Variants in HIPK2 observed in about 807,000 individuals in gnomAD.
HIPK2 encodes homeodomain-interacting protein kinase 2.
A neutral mutation model predicts 113.7 loss-of-function variants in HIPK2; 27 were observed. The observed-to-expected ratio is 0.24, with a 90% CI of 0.17 to 0.33. The LOEUF (loss-of-function observed/expected upper bound fraction) is 0.33. Among genes scored for constraint, HIPK2 ranks in the 10% least tolerant of loss-of-function variants. HIPK2 has a pLI of 1.00. For synonymous variants in HIPK2, 631 were observed against 642.2 expected (o/e 0.98, Z 0.26); for missense variants, 1,257 against 1,588.0 (o/e 0.79, Z 3.54).
At chr7:139,738,120 C>G (rs1795990969) in intron 1 of HIPK2, among the ~76,000 whole-genome samples, 1 of 152,248 alleles carries the variant, frequency 6.6e-6, no homozygotes. Flanking sequence ...TACAGACCAG[C>G]AGATCTGGGC....
At chr7:139,579,494 G>A (rs1245244525) in intron 13 of HIPK2, among the ~76,000 whole-genome samples, 1 of 152,144 alleles carries the variant, frequency 6.6e-6, no homozygotes, top group Admixed American at 6.5e-5. Context: ...AATTCGGTTG[G>A]ATCAATTCTA....
At chr7:139,654,280 G>A (rs1229715627) in intron 2 of HIPK2, among the ~76,000 whole-genome samples, 3 of 152,158 alleles carry the variant, frequency 2.0e-5, no homozygotes, top group Non-Finnish European at 4.4e-5. Context: ...GGGAAGCTGA[G>A]GCAAAAGGAT....
chr7:139,666,757 C>A (rs962691069), intron 2 of HIPK2, among the ~76,000 whole-genome samples: 1 of 152,072 alleles, frequency 6.6e-6, no homozygotes, highest in Non-Finnish European at 1.5e-5. Context: ...ATGAAGAAAA[C>A]AAAATTTAAA....
At chr7:139,689,922 G>A (rs1406956130) in intron 2 of HIPK2, among the ~76,000 whole-genome samples, 1 of 152,240 alleles carries the variant, frequency 6.6e-6, no homozygotes, top group East Asian at 1.9e-4. Context: ...CTGTGAGGGG[G>A]AAAGACGCTG....
chr7:139,620,350 A>G (rs1800192084), intron 7 of HIPK2, 51 bp downstream of exon 7: 1 of 1,596,794 alleles, frequency 6.3e-7, no homozygotes, highest in Non-Finnish European at 8.5e-7. Context: ...ACAAGTCCTG[A>G]GGCTCACACT....
At chr7:139,668,999 T>C (rs1305526914) in intron 2 of HIPK2, among the ~76,000 whole-genome samples, 1 of 152,256 alleles carries the variant, frequency 6.6e-6, no homozygotes, top group African/African-American at 2.4e-5. Context: ...CTTTAACCTG[T>C]GCCTTATATA....
rs767922812 is a variant in HIPK2, at chr7:139,716,770, T to A, written c.265A>T (p.Ser89Cys). The change falls in exon 2 of 15, where the codon AGC becomes TGC. Residue 89 changes from serine to cysteine, a missense_variant. Ser to Cys is a moderately radical substitution (Grantham distance 112, BLOSUM62 -1). Transcript: ENST00000406875. The surrounding 1 kb of genome is among the most constrained non-coding windows in gnomAD (Gnocchi z 9.3). ...GAGGTGACCACGATGTGCCCGGTGC[T>A]TCCTGGGAAGACGATGGTCTGCTCG... ...PYEQTIVFPG[S>C]TGHIVVTSAS... 3.1e-6 allele frequency: 5 copies of A among 1,613,958 alleles called. No individual in the cohort carries two copies. Among genetic ancestry groups the A allele is most frequent in the Admixed American group, 1.7e-5 (1 of 60,010 alleles).
chr7:139,592,881 A>G (rs909802499), intron 12 of HIPK2, among the ~76,000 whole-genome samples: 1 of 152,262 alleles, frequency 6.6e-6, no homozygotes, highest in Admixed American at 6.5e-5. Flanking sequence ...AGAGTCCCCT[A>G]GTCCAACAGT....
intron 2 of HIPK2, among the ~76,000 whole-genome samples, chr7:139,653,525 A>G (rs543581176): frequency 8.4e-4 from 128 of 151,618 alleles, no homozygotes; most frequent in East Asian, 1.2e-3. Context: ...CTCCTGTTAC[A>G]GACATGCCAT....
At chr7:139,717,887 G>T (rs1412201377) in intron 1 of HIPK2, among the ~76,000 whole-genome samples, 1 of 151,914 alleles carries the variant, frequency 6.6e-6, no homozygotes, top group Non-Finnish European at 1.5e-5. Flanking sequence ...GGGATTATAG[G>T]TTCCTGCCAC....
At chr7:139,760,985 C>T (rs1404402426) in intron 1 of HIPK2, among the ~76,000 whole-genome samples, 1 of 152,094 alleles carries the variant, frequency 6.6e-6, no homozygotes, top group Non-Finnish European at 1.5e-5. Flanking sequence ...AAAGTTGTAA[C>T]AAAAGAGTAA....
At chr7:139,640,088 T>G (rs902867971) in intron 2 of HIPK2, among the ~76,000 whole-genome samples, 15 of 152,184 alleles carry the variant, frequency 9.9e-5, no homozygotes, top group African/African-American at 3.6e-4. Context: ...GGAACCATCT[T>G]AAAGAATCGC....
chr7:139,713,438 G>A (rs1795128799), intron 2 of HIPK2, among the ~76,000 whole-genome samples: 1 of 152,200 alleles, frequency 6.6e-6, no homozygotes, highest in South Asian at 2.1e-4. Context: ...AACTCGCAGA[G>A]TCCAAGGGGA....
At position 139,631,734 on chromosome 7, in the gene HIPK2, G is replaced by A; in HGVS notation, c.1104-9C>T. 1 of 1,609,092 alleles carries A rather than the reference G, an allele frequency of 6.2e-7. No individual in the cohort carries two copies. Among genetic ancestry groups the A allele is most frequent in the African/African-American group, 1.3e-5 (1 of 74,736 alleles). ...GGATGATCTCAGGGGCCCTGAAAAG[G>A]AAGAATGGAAGAAACCATTAGCAAG... On this transcript the variant is annotated splice_polypyrimidine_tract_variant and intron_variant, in intron 2 of 14. Transcript: ENST00000406875. This position sits in a 1 kb window ranked among gnomAD's most constrained non-coding sequence, Gnocchi z 4.9.
At chr7:139,667,177 T>A (rs1262281888) in intron 2 of HIPK2, among the ~76,000 whole-genome samples, 2 of 152,222 alleles carry the variant, frequency 1.3e-5, no homozygotes, top group African/African-American at 2.4e-5. Flanking sequence ...TTTTGCATTC[T>A]TTTTGTCACT....
chr7:139,771,000 C>A (rs1257002412), intron 1 of HIPK2, among the ~76,000 whole-genome samples: 1 of 152,168 alleles, frequency 6.6e-6, no homozygotes, highest in African/African-American at 2.4e-5. Flanking sequence ...TCAGAAAAAA[C>A]ACAACCTGCA....
At chr7:139,603,619 C>G (rs1411503824) in intron 10 of HIPK2, among the ~76,000 whole-genome samples, 1 of 152,158 alleles carries the variant, frequency 6.6e-6, no homozygotes, top group African/African-American at 2.4e-5. Flanking sequence ...TCAAGCCATC[C>G]CGTGGGAGGT....
chr7:139,709,483 G>A (rs1484991721), intron 2 of HIPK2, among the ~76,000 whole-genome samples: 1 of 152,188 alleles, frequency 6.6e-6, no homozygotes. Context: ...CCCAGAGCAT[G>A]GCATTTTAGA....
chr7:139,662,140 C>T (rs1362966793), intron 2 of HIPK2, among the ~76,000 whole-genome samples: 2 of 152,178 alleles, frequency 1.3e-5, no homozygotes, highest in Non-Finnish European at 2.9e-5. Context: ...TAGATTTTTG[C>T]AGCATCTACA....
Sources: allele counts gnomAD v4.1 joint callset (sites outside exome capture counted in the v4.1 genomes callset), GRCh38; gene constraint gnomAD v4.1.1; non-coding constraint Gnocchi (gnomAD v3.1); transcripts MANE v1.5; gene names NCBI Gene and HGNC (gene_info 2026-07-23, HGNC 2026-07-21).